The following ITPKB variants were observed in gnomAD, a reference collection of about 807,000 sequenced individuals.
ITPKB encodes inositol-trisphosphate 3-kinase B.
In ITPKB, 13 loss-of-function variants were observed where a neutral mutation model predicts 69.4. The observed-to-expected ratio is 0.19, with a 90% CI of 0.12 to 0.30. The LOEUF (loss-of-function observed/expected upper bound fraction) is 0.30. ITPKB is among the 10% of genes least tolerant of loss of function. The pLI is 1.00. For synonymous variants in ITPKB, 584 were observed against 513.7 expected (o/e 1.14, Z -1.85); for missense variants, 1,240 against 1,250.5 (o/e 0.99, Z 0.13).
At chr1:226,703,360 A>G (rs75640813) in intron 2 of ITPKB, among the ~76,000 whole-genome samples, 2,109 of 152,326 alleles carry the variant, frequency 0.014, 106 homozygotes, top group Admixed American at 0.081. Flanking sequence ...CTCCGCCCTC[A>G]GCTCAGGCCC....
At chr1:226,661,143 C>T (rs1669396395) in intron 2 of ITPKB, among the ~76,000 whole-genome samples, 1 of 152,248 alleles carries the variant, frequency 6.6e-6, no homozygotes, top group Non-Finnish European at 1.5e-5. Context: ...CCCATCTCCA[C>T]CCCCAACACA....
intron 2 of ITPKB, among the ~76,000 whole-genome samples, chr1:226,683,497 T>C (rs1260451404): frequency 1.3e-5 from 2 of 152,120 alleles, no homozygotes; most frequent in Admixed American, 6.5e-5. Flanking sequence ...TTTGAACCCA[T>C]GTATATGTAC....
intron 2 of ITPKB, among the ~76,000 whole-genome samples, chr1:226,667,830 G>A (rs1233084149): frequency 6.8e-6 from 1 of 147,932 alleles, no homozygotes; most frequent in Non-Finnish European, 1.5e-5. Context: ...AGGAAAATGT[G>A]TGTGTGTGTG....
At chr1:226,651,356 CA>C (rs1438384871) in intron 2 of ITPKB, among the ~76,000 whole-genome samples, 2 of 152,194 alleles carry the variant, frequency 1.3e-5, no homozygotes, top group African/African-American at 4.8e-5. Context: ...TGACCTTGAA[CA>C]AGTTCTTAGT....
intron 2 of ITPKB, among the ~76,000 whole-genome samples, chr1:226,667,853 T>TGTGTGC (rs1491424205): frequency 7.1e-5 from 10 of 141,744 alleles, no homozygotes; most frequent in South Asian, 4.4e-4. Flanking sequence ...TGTGTGTGTG[T>TGTGTGC]GCGCGCGCGC....
chr1:226,681,378 A>G (rs1393222082), intron 2 of ITPKB, among the ~76,000 whole-genome samples: 1 of 152,146 alleles, frequency 6.6e-6, no homozygotes, highest in East Asian at 1.9e-4. Context: ...AAAGCAATTA[A>G]TATGTGTTGA....
rs187994549 is a variant in ITPKB at position 226,637,601 on chromosome 1, G to C, written c.2625+78C>G. On this transcript the variant is annotated intron_variant, in intron 7 of 7. Coordinates refer to ENST00000429204, the MANE Select transcript of ITPKB (RefSeq NM_002221.4). This position sits in a 1 kb window ranked among gnomAD's most constrained non-coding sequence, Gnocchi z 4.3. ...CCACCCTGAAAATGCCCGATGCCCC[G>C]GGCTTCTGGAAGGAGAAGGAGAAGG... 2.0e-5 allele frequency: 24 copies of C among 1,172,662 alleles called. No homozygotes were observed. The East Asian group carries it at 5.7e-4, about 28-fold the overall frequency. The allele number at this position is 1,172,662 out of a possible 1,614,324, so 72.6% of individuals were successfully genotyped here. A position where few individuals can be genotyped will look rare whatever the true frequency, so the allele number is the denominator to read the frequency against.
At chr1:226,713,198 A>C (rs565163236) in intron 2 of ITPKB, among the ~76,000 whole-genome samples, 2 of 152,076 alleles carry the variant, frequency 1.3e-5, no homozygotes, top group East Asian at 3.9e-4. Flanking sequence ...ACCTCTTCGC[A>C]TTTCTAGAAT....
chr1:226,734,627 C>G (rs1180745574), intron 2 of ITPKB, among the ~76,000 whole-genome samples: 1 of 152,178 alleles, frequency 6.6e-6, no homozygotes, highest in Non-Finnish European at 1.5e-5. Context: ...ACTCCTATGT[C>G]TTCTGTAAGA....
At chr1:226,732,161 A>G (rs1657607881) in intron 2 of ITPKB, among the ~76,000 whole-genome samples, 1 of 151,468 alleles carries the variant, frequency 6.6e-6, no homozygotes, top group Admixed American at 6.6e-5. Context: ...AAAAAACAGT[A>G]AGCACCATGA....
intron 2 of ITPKB, among the ~76,000 whole-genome samples, chr1:226,706,789 C>G (rs1656810879): frequency 6.6e-6 from 1 of 152,218 alleles, no homozygotes; most frequent in South Asian, 2.1e-4. Flanking sequence ...CATGAAGTTT[C>G]CAGCCGCCAG....
At chr1:226,661,498 G>A (rs1669401736) in intron 2 of ITPKB, among the ~76,000 whole-genome samples, 1 of 152,180 alleles carries the variant, frequency 6.6e-6, no homozygotes, top group South Asian at 2.1e-4. Flanking sequence ...TCACTCTGCT[G>A]GGCTGCCTCA....
Position 226,736,815 on chromosome 1 carries a change from GT to G in ITPKB, c.643del (p.Thr215ProfsTer16). 6.2e-7 allele frequency: 1 copy of G among 1,612,916 alleles called. No individual in the cohort carries two copies. The highest frequency in any genetic ancestry group is 1.3e-5 in the African/African-American group (1 of 75,066). On this transcript the variant is annotated frameshift_variant, in exon 2 of 8. Coordinates refer to ENST00000429204, the MANE Select transcript of ITPKB (RefSeq NM_002221.4). LOFTEE classifies it high-confidence loss of function. ...GGGCCCTCCTTTCCTCCCGGAGTCG[GT>G]TCCTGAAGTCTCTGGACATTGCTCC... ...WGEQCPETSG[T>X]DSGRKGGPSL...
rs1327525105 is a variant in ITPKB, at chr1:226,737,204, G to GCTA, written c.252_254dup (p.Ser86dup). ...CGCTGCTGCCGCTGCCACTGCCGCTGCTACTATTCAGCCTGCGCCGGCCGC... is the reference window on the plus strand; with the variant it reads ...CGCTGCTGCCGCTGCCACTGCCGCTGCTACTACTATTCAGCCTGCGCCGGCCGC... On this transcript the variant is annotated inframe_insertion, in exon 2 of 8. Transcript: ENST00000429204. The GCTA allele has an allele frequency of 1.0e-5, 16 of 1,584,542 alleles. No homozygotes were observed. The highest frequency in any genetic ancestry group is 1.3e-5 in the Non-Finnish European group (15 of 1,173,242).
chr1:226,709,073 T>C (rs1254406821), intron 2 of ITPKB, among the ~76,000 whole-genome samples: 1 of 152,176 alleles, frequency 6.6e-6, no homozygotes, highest in Non-Finnish European at 1.5e-5. Flanking sequence ...GTCTGGCCCC[T>C]CAATAGGGGA....
At chr1:226,681,463 T>C (rs1002585824) in intron 2 of ITPKB, among the ~76,000 whole-genome samples, 1 of 152,178 alleles carries the variant, frequency 6.6e-6, no homozygotes, top group African/African-American at 2.4e-5. Flanking sequence ...ACAACCACCC[T>C]GGCAAGGGCA....
intron 2 of ITPKB, among the ~76,000 whole-genome samples, chr1:226,718,574 C>T (rs936484328): frequency 4.6e-5 from 7 of 152,050 alleles, no homozygotes; most frequent in African/African-American, 1.7e-4. Context: ...CACCCCAACC[C>T]GGGCAAGCTA....
chr1:226,712,760 C>T (rs191790142), intron 2 of ITPKB, among the ~76,000 whole-genome samples: 84 of 152,258 alleles, frequency 5.5e-4, no homozygotes, highest in Non-Finnish European at 9.6e-4. Context: ...TATTGCTCTC[C>T]GAAGGAGAAA....
chr1:226,672,696 T>G (rs965051244), intron 2 of ITPKB, among the ~76,000 whole-genome samples: 1 of 152,066 alleles, frequency 6.6e-6, no homozygotes, highest in African/African-American at 2.4e-5. Flanking sequence ...AACAGGGAAG[T>G]GGGAGGAATC....
Sources: allele counts gnomAD v4.1 joint callset (sites outside exome capture counted in the v4.1 genomes callset), GRCh38; gene constraint gnomAD v4.1.1; non-coding constraint Gnocchi (gnomAD v3.1); transcripts MANE v1.5; gene names NCBI Gene and HGNC (gene_info 2026-07-23, HGNC 2026-07-21).